The following TP63 variants were observed in gnomAD, a reference collection of about 807,000 sequenced individuals.
TP63 encodes the protein tumor protein p63.
A neutral mutation model predicts 82.8 loss-of-function variants in TP63; 17 were observed. The ratio of observed to expected loss-of-function variants is 0.21; its 90% confidence interval spans 0.14 to 0.31. The LOEUF (loss-of-function observed/expected upper bound fraction) is 0.31. Among genes scored for constraint, TP63 ranks in the 10% least tolerant of loss-of-function variants. The probability of loss-of-function intolerance (pLI) is 1.00; values close to 1 mark genes in which losing one functional copy is unlikely to be tolerated. For missense variants in TP63, 648 were observed against 895.3 expected (o/e 0.72, Z 3.52); for synonymous variants, 330 against 321.7 (o/e 1.03, Z -0.28).
intron 4 of TP63, among the ~76,000 whole-genome samples, chr3:189,839,028 AG>A (rs1713564274): frequency 7.2e-6 from 1 of 139,430 alleles, no homozygotes; most frequent in Non-Finnish European, 1.5e-5. Flanking sequence ...AAAAGCAACT[AG>A]TATCCTAAGC....
chr3:189,883,628 C>G (rs1430781505), intron 10 of TP63, among the ~76,000 whole-genome samples: 1 of 152,156 alleles, frequency 6.6e-6, no homozygotes, highest in Non-Finnish European at 1.5e-5. Context: ...AGGGCTGTTA[C>G]ATGATCTCAT....
In TP63 at chr3:189,682,542, A is replaced by G. The variant is rs1374683037; in HGVS notation, c.62+50965A>G. ...TGGGACTTGGTCCTAAGGGGAAAAAAAAAAAAAAAAAATATATATATATAT... is the reference window on the plus strand; with the variant it reads ...TGGGACTTGGTCCTAAGGGGAAAAAGAAAAAAAAAAAATATATATATATAT... On this transcript the variant is annotated intron_variant, in intron 1 of 13. Coordinates refer to ENST00000264731, the MANE Select transcript of TP63 (RefSeq NM_003722.5). 3.5e-3 allele frequency among the ~76,000 whole-genome samples: 52 copies of G among 15,050 alleles called. 2 individuals carry two copies. The highest frequency in any genetic ancestry group is 4.9e-3 in the Non-Finnish European group (34 of 6,994). The allele number at this position is 15,050 out of a possible 152,430, so 9.9% of individuals were successfully genotyped here.
intron 1 of TP63, among the ~76,000 whole-genome samples, chr3:189,724,064 A>G (rs1719594318): frequency 6.8e-6 from 1 of 146,830 alleles, no homozygotes; most frequent in African/African-American, 2.5e-5. Context: ...CACTCCTCAC[A>G]GAGGTCATTG....
chr3:189,769,111 T>C (rs976031036), intron 3 of TP63, among the ~76,000 whole-genome samples: 3 of 152,186 alleles, frequency 2.0e-5, no homozygotes, highest in Admixed American at 1.3e-4. Context: ...AAACAAACCA[T>C]GTATATAAAG....
the TP63 span, among the ~76,000 whole-genome samples, chr3:189,598,888 G>A: frequency 6.6e-5 from 10 of 152,244 alleles, no homozygotes; most frequent in Non-Finnish European, 1.3e-4. Context: ...GCCCCAGAGA[G>A]TCAGCTTTTG....
Position 189,886,470 on chromosome 3 carries a change from C to A in TP63, c.1426C>A (p.Pro476Thr), listed in dbSNP as rs1449641939. 6 of 1,614,150 alleles carry A rather than the reference C, an allele frequency of 3.7e-6. No individual in the cohort carries two copies. Among genetic ancestry groups the A allele is most frequent in the Non-Finnish European group, 5.1e-6 (6 of 1,180,016 alleles). ...LNKMNSMNKL[P>T]SVSQLINPQQ... ...CAAAATGAACAGCATGAACAAGCTG[C>A]CTTCTGTGAGCCAGCTTATCAACCC... The change falls in exon 11 of 14, where the codon CCT becomes ACT. Residue 476 changes from proline to threonine, a missense_variant. By Grantham distance (38) the Pro-to-Thr change is conservative. This residue lies in a region of TP63 where 342 missense variants were observed against 425.7 expected (regional missense o/e 0.80). Transcript: ENST00000264731.
At chr3:189,832,321 G>A (rs1019198047) in intron 4 of TP63, among the ~76,000 whole-genome samples, 10 of 152,138 alleles carry the variant, frequency 6.6e-5, no homozygotes, top group African/African-American at 2.2e-4. Flanking sequence ...CAGATGGACA[G>A]TTGTTAGAGA....
intron 1 of TP63, among the ~76,000 whole-genome samples, chr3:189,734,703 A>C (rs1052389500): frequency 2.0e-5 from 3 of 151,984 alleles, no homozygotes; most frequent in Non-Finnish European, 4.4e-5. Context: ...ATCAGCCTTG[A>C]CTTCTATTTA....
intron 1 of TP63, among the ~76,000 whole-genome samples, chr3:189,720,606 T>A (rs761440669): frequency 2.3e-4 from 35 of 151,798 alleles, no homozygotes; most frequent in Non-Finnish European, 4.6e-4. Context: ...TGGTGGCACA[T>A]GCCTGTAATC....
chr3:189,638,698 G>T (rs1711547242), intron 1 of TP63, among the ~76,000 whole-genome samples: 1 of 152,264 alleles, frequency 6.6e-6, no homozygotes, highest in East Asian at 1.9e-4. Flanking sequence ...GATTCGGGTG[G>T]TTATCAGACC....
intron 3 of TP63, among the ~76,000 whole-genome samples, chr3:189,795,287 T>C (rs1201796839): frequency 6.6e-6 from 1 of 152,018 alleles, no homozygotes; most frequent in Non-Finnish European, 1.5e-5. Flanking sequence ...TGAAAACTTA[T>C]AATAGTCACT....
chr3:189,818,905 G>A (rs1728488101), intron 4 of TP63, among the ~76,000 whole-genome samples: 1 of 152,152 alleles, frequency 6.6e-6, no homozygotes, highest in South Asian at 2.1e-4. Context: ...CTTGATGTTA[G>A]AAAAGGAATT....
intron 1 of TP63, among the ~76,000 whole-genome samples, chr3:189,708,896 A>C (rs961652790): frequency 6.6e-6 from 1 of 152,194 alleles, no homozygotes; most frequent in African/African-American, 2.4e-5. Flanking sequence ...CTGGAACACG[A>C]GAGTTAAGAG....
In TP63 at chr3:189,750,530, C is replaced by T. The variant is rs527905806; in HGVS notation, c.324+11756C>T. 2.1e-4 allele frequency among the ~76,000 whole-genome samples: 32 copies of T among 152,308 alleles called. No homozygotes were observed. In the South Asian group the frequency reaches 6.4e-3, roughly 31 times the overall value. On this transcript the variant is annotated intron_variant, in intron 3 of 13. Coordinates refer to ENST00000264731, the MANE Select transcript of TP63 (RefSeq NM_003722.5). ...TACTCAAGGTATCGAATACTCCAAA[C>T]ATCCTAACTTGATCACTGAACATTC...
chr3:189,871,150 G>A (rs1165912203), intron 9 of TP63, among the ~76,000 whole-genome samples: 1 of 152,088 alleles, frequency 6.6e-6, no homozygotes, highest in Non-Finnish European at 1.5e-5. Context: ...TACTAAGAAG[G>A]AGGTATCCTT....
intron 3 of TP63, among the ~76,000 whole-genome samples, chr3:189,750,240 C>G (rs1489382518): frequency 6.6e-6 from 1 of 151,824 alleles, no homozygotes; most frequent in African/African-American, 2.4e-5. Flanking sequence ...TGTAAGTTCT[C>G]ACTCATATGT....
intron 4 of TP63, among the ~76,000 whole-genome samples, chr3:189,836,055 T>C (rs561581340): frequency 1.4e-4 from 21 of 152,166 alleles, no homozygotes; most frequent in African/African-American, 5.1e-4. Flanking sequence ...AGAGTGTCTA[T>C]TCCTTTGATC....
chr3:189,750,111 G>A (rs1354232256), intron 3 of TP63, among the ~76,000 whole-genome samples: 2 of 139,260 alleles, frequency 1.4e-5, no homozygotes, highest in African/African-American at 5.4e-5. Context: ...GTGACAGGGT[G>A]AGACTCTGTC....
At chr3:189,782,477 A>G (rs1335709323) in intron 3 of TP63, among the ~76,000 whole-genome samples, 1 of 152,166 alleles carries the variant, frequency 6.6e-6, no homozygotes, top group Non-Finnish European at 1.5e-5. Context: ...GGCTATTCAA[A>G]CATAAGACAA....
Sources: allele counts gnomAD v4.1 joint callset (sites outside exome capture counted in the v4.1 genomes callset), GRCh38; gene constraint gnomAD v4.1.1; regional missense constraint gnomAD v4.1.1; transcripts MANE v1.5; gene names NCBI Gene and HGNC (gene_info 2026-07-23, HGNC 2026-07-21).